SAG: variants seen among roughly 807,000 people sequenced by gnomAD.
SAG encodes S-antigen visual arrestin.
A neutral mutation model predicts 55.0 loss-of-function variants in SAG; 45 were observed. That is an observed-to-expected ratio of 0.82 (90% CI 0.64 to 1.05). The LOEUF is 1.05. SAG is among the 50% of genes least tolerant of loss of function. SAG has a pLI of 0.00. For missense variants in SAG, 455 were observed against 512.1 expected, an observed-to-expected ratio of 0.89 and a Z score of 1.08; for synonymous variants, 189 against 197.4, an observed-to-expected ratio of 0.96 and a Z score of 0.36.
At position 233,327,202 on chromosome 2, in the gene SAG, G is replaced by A; in HGVS notation, c.512+5G>A. ...AGAGGACAAAATCCCCAAGAAGTAAGAGTATGGTTGCGGAATAGGTGAGGG... is the reference window on the plus strand; with the variant it reads ...AGAGGACAAAATCCCCAAGAAGTAAAAGTATGGTTGCGGAATAGGTGAGGG... On this transcript the variant is annotated splice_donor_5th_base_variant and intron_variant, in intron 7 of 15. Coordinates refer to ENST00000409110, the MANE Select transcript of SAG (RefSeq NM_000541.5). The A allele has an allele frequency of 6.2e-7, 1 of 1,612,912 alleles. No individual in the cohort carries two copies.
chr2:233,326,861 C>T (rs556876763), intron 6 of SAG, among the ~76,000 whole-genome samples: 20 of 152,324 alleles, frequency 1.3e-4, no homozygotes, highest in African/African-American at 2.4e-4. Context: ...TGACTCTCCA[C>T]GGCAGCAGGA....
chr2:233,343,592 T>A, intron 14 of SAG: 6 of 916,644 alleles, frequency 6.5e-6, no homozygotes, highest in Non-Finnish European at 8.9e-6. Context: ...AATTGTATGA[T>A]ATATGAATTT....
In SAG at chr2:233,320,835, C is replaced by T. The variant is rs1700359935; in HGVS notation, c.375+12C>T. 1 of 1,571,082 alleles carries T rather than the reference C, an allele frequency of 6.4e-7. No homozygotes were observed. Among genetic ancestry groups the T allele is most frequent in the African/African-American group, 1.4e-5 (1 of 73,682 alleles). On this transcript the variant is annotated intron_variant, in intron 5 of 15. Transcript: ENST00000409110. ...CCTTTCTCCTGACGGTGGGTGACTC[C>T]TCCGGCCAGCCCTGCTTCCTTCACC...
At chr2:233,327,487 G>GTTTGT (rs1700601228) in intron 7 of SAG, 1 of 299,868 alleles carries the variant, frequency 3.3e-6, no homozygotes, top group South Asian at 6.2e-5. Flanking sequence ...TTGTTTGTTT[G>GTTTGT]TTTTTTGTGG....
chr2:233,321,083 G>A (rs1281540138), intron 5 of SAG, among the ~76,000 whole-genome samples: 2 of 152,186 alleles, frequency 1.3e-5, no homozygotes, highest in Non-Finnish European at 1.5e-5. Context: ...ACATGAGCAC[G>A]TGTTATTCCT....
chr2:233,315,117 C>T (rs980423444), intron 2 of SAG, among the ~76,000 whole-genome samples: 5 of 152,106 alleles, frequency 3.3e-5, no homozygotes, highest in African/African-American at 4.8e-5. Flanking sequence ...ACCTTCGTTG[C>T]CAGGGGCAGG....
intron 11 of SAG, among the ~76,000 whole-genome samples, chr2:233,335,328 A>G (rs927797382): frequency 6.6e-6 from 1 of 152,240 alleles, no homozygotes; most frequent in Admixed American, 6.5e-5. Flanking sequence ...CGCTAACCCC[A>G]GCTCTGCTGC....
In SAG at chr2:233,327,073, A is replaced by G. The variant is rs772825934; in HGVS notation, c.436-48A>G. ...GGTGTGGCCCTCTGGCCCGGCACCCAGGGAGGGAGTCGCTGATCGCTGCCT... is the reference window on the plus strand; with the variant it reads ...GGTGTGGCCCTCTGGCCCGGCACCCGGGGAGGGAGTCGCTGATCGCTGCCT... On this transcript the variant is annotated intron_variant, in intron 6 of 15. Coordinates refer to ENST00000409110, the MANE Select transcript of SAG (RefSeq NM_000541.5). 4.7e-6 allele frequency: 7 copies of G among 1,484,766 alleles called. No individual in the cohort carries two copies. In the Admixed American group the frequency reaches 5.0e-5, roughly 11 times the overall value. 92.0% of individuals were successfully genotyped at this position (1,484,766 alleles called of 1,614,324 possible).
At chr2:233,329,977 G>T (rs1482626250) in intron 9 of SAG, among the ~76,000 whole-genome samples, 1 of 152,180 alleles carries the variant, frequency 6.6e-6, no homozygotes, top group Non-Finnish European at 1.5e-5. Flanking sequence ...ACCTTCCCAG[G>T]CTTTGTGTGG....
In SAG at chr2:233,319,727, G is replaced by A. The variant is rs75912513; in HGVS notation, c.182-903G>A. On this transcript the variant is annotated intron_variant, in intron 4 of 15. Coordinates refer to ENST00000409110, the MANE Select transcript of SAG (RefSeq NM_000541.5). This position sits in a 1 kb window ranked among gnomAD's most constrained non-coding sequence, Gnocchi z 4.4. ...CCCAAGTCCTTGACCAGAGAAGGGCGCCTGTTCTCAGGGAAAGCCACTGCA... is the reference window on the plus strand; with the variant it reads ...CCCAAGTCCTTGACCAGAGAAGGGCACCTGTTCTCAGGGAAAGCCACTGCA... 1.3e-3 allele frequency: 1,328 copies of A among 985,710 alleles called. 2 individuals are homozygous for A. The highest frequency in any genetic ancestry group is 1.4e-3 in the Non-Finnish European group (1,133 of 830,106). The allele number at this position is 985,710 out of a possible 1,614,324, so 61.1% of individuals were successfully genotyped here.
At chr2:233,308,456 G>A (rs532322756) in intron 1 of SAG, among the ~76,000 whole-genome samples, 93 of 151,206 alleles carry the variant, frequency 6.2e-4, no homozygotes, top group African/African-American at 2.1e-3. Flanking sequence ...AACAGAACGA[G>A]CTCCTATATC....
chr2:233,337,095 CAAA>C (rs5839479), intron 11 of SAG, among the ~76,000 whole-genome samples: 7 of 142,230 alleles, frequency 4.9e-5, no homozygotes, highest in Non-Finnish European at 3.1e-5. Context: ...GACCCTGTCT[CAAA>C]AAAAAAAAAA....
rs1700306989 is a variant in SAG, at chr2:233,319,229, A to G, written c.181+434A>G. 6.6e-6 allele frequency among the ~76,000 whole-genome samples: 1 copy of G among 151,810 alleles called. No homozygotes were observed. Among genetic ancestry groups the G allele is most frequent in the African/African-American group, 2.4e-5 (1 of 41,268 alleles). Reference sequence around the variant, plus strand: ...TCTGAGTCAGTGGCGAGGGGCAGTTACCGTTGGGGCTGACAGGCAAAATTC... The same window carrying G: ...TCTGAGTCAGTGGCGAGGGGCAGTTGCCGTTGGGGCTGACAGGCAAAATTC... On this transcript the variant is annotated intron_variant, in intron 4 of 15. Coordinates refer to ENST00000409110, the MANE Select transcript of SAG (RefSeq NM_000541.5). This position sits in a 1 kb window ranked among gnomAD's most constrained non-coding sequence, Gnocchi z 4.4.
chr2:233,328,416 A>T, intron 7 of SAG, 62 bp from the exon 8 acceptor site: 6 of 1,577,438 alleles, frequency 3.8e-6, no homozygotes, highest in Middle Eastern at 1.7e-4. Flanking sequence ...GGGAGAGAAC[A>T]GAAGCCTCCC....
At chr2:233,338,170 G>C (rs1394966317) in intron 11 of SAG, among the ~76,000 whole-genome samples, 1 of 152,234 alleles carries the variant, frequency 6.6e-6, no homozygotes, top group East Asian at 1.9e-4. Context: ...TGGCGCGGGG[G>C]GCGCTGGGAC....
chr2:233,324,735 A>T (rs1700494307), intron 6 of SAG, among the ~76,000 whole-genome samples: 1 of 152,160 alleles, frequency 6.6e-6, no homozygotes, highest in Non-Finnish European at 1.5e-5. Context: ...AGGCCCTCTA[A>T]GCCACTGGGT....
At chr2:233,313,133 G>A (rs1042403608) in intron 2 of SAG, among the ~76,000 whole-genome samples, 2 of 152,204 alleles carry the variant, frequency 1.3e-5, no homozygotes, top group African/African-American at 4.8e-5. Context: ...AGGTGTGGTC[G>A]CAGGCCACAT....
intron 8 of SAG, 176 bp from the exon 9 acceptor site, chr2:233,329,317 G>A (rs1375608999): frequency 3.4e-6 from 2 of 581,744 alleles, no homozygotes; most frequent in African/African-American, 3.8e-5. Flanking sequence ...CCCACAGATG[G>A]GTGGAATGTG....
intron 10 of SAG, chr2:233,332,023 A>T (rs1700781825): frequency 2.6e-6 from 1 of 388,252 alleles, no homozygotes; most frequent in Non-Finnish European, 4.7e-6. Context: ...CTTGGAATGA[A>T]TTGTTAGGAA....
Sources: allele counts gnomAD v4.1 joint callset (sites outside exome capture counted in the v4.1 genomes callset), GRCh38; gene constraint gnomAD v4.1.1; non-coding constraint Gnocchi (gnomAD v3.1); transcripts MANE v1.5; gene names NCBI Gene and HGNC (gene_info 2026-07-23, HGNC 2026-07-21).